Variants in TECPR2 observed in about 807,000 individuals in gnomAD.
The protein encoded by TECPR2 is tectonin beta-propeller repeat-containing protein 2.
In TECPR2, 65 loss-of-function variants were observed where a neutral mutation model predicts 138.1. The ratio of observed to expected loss-of-function variants is 0.47; its 90% CI spans 0.39 to 0.58. The LOEUF (loss-of-function observed/expected upper bound fraction) is 0.58. Among genes scored for constraint, TECPR2 ranks in the 20% least tolerant of loss-of-function variants. TECPR2 has a pLI of 0.00. For missense variants in TECPR2, 1,553 were observed against 1,824.5 expected (o/e 0.85, Z 2.71); for synonymous variants, 746 against 749.8 (o/e 0.99, Z 0.08).
intron 5 of TECPR2, 82 bp from the exon 6 acceptor site, chr14:102,424,897 T>TA (rs1889273849): frequency 1.5e-6 from 2 of 1,358,550 alleles, no homozygotes; most frequent in South Asian, 2.8e-5. Flanking sequence ...TTGTTGTACT[T>TA]AATATTAAGG....
chr14:102,470,466 C>A (rs555242190), intron 17 of TECPR2, among the ~76,000 whole-genome samples: 17 of 151,920 alleles, frequency 1.1e-4, no homozygotes, highest in African/African-American at 3.9e-4. Context: ...TACCACCACA[C>A]GCAGCTAATT....
At chr14:102,372,389 C>G (rs1365196224) in intron 1 of TECPR2, among the ~76,000 whole-genome samples, 1 of 152,144 alleles carries the variant, frequency 6.6e-6, no homozygotes, top group Non-Finnish European at 1.5e-5. Context: ...CCTCAGCCTC[C>G]CAAGTGGCTG....
At chr14:102,383,775 T>A (rs1006022572) in intron 2 of TECPR2, among the ~76,000 whole-genome samples, 2 of 152,096 alleles carry the variant, frequency 1.3e-5, no homozygotes, top group African/African-American at 4.8e-5. Context: ...AAAAAACAAA[T>A]ACTAAAGTTG....
At chr14:102,399,586 T>C (rs1286208000) in intron 2 of TECPR2, among the ~76,000 whole-genome samples, 1 of 152,122 alleles carries the variant, frequency 6.6e-6, no homozygotes, top group Non-Finnish European at 1.5e-5. Context: ...ATCCCATCAC[T>C]TTGGGAGGCC....
In TECPR2 at chr14:102,434,850, G is replaced by T; in HGVS notation, c.2033G>T (p.Ser678Ile). 1 of 1,613,558 alleles carries T rather than the reference G, an allele frequency of 6.2e-7. No individual in the cohort carries two copies. The highest frequency in any genetic ancestry group is 8.5e-7 in the Non-Finnish European group (1 of 1,180,022). The change falls in exon 9 of 20, where the codon AGC becomes ATC. Residue 678 changes from serine (S) to isoleucine (I), a missense_variant. Coordinates refer to ENST00000359520, the MANE Select transcript of TECPR2 (RefSeq NM_014844.5). ...GATGAAGGCAGCCCCGTGGAGCCCA[G>T]CCAAGAGCAGGACATCCTAACCAGC... The part of the protein sequence containing the change: ...RADEGSPVEP[S>I]QEQDILTSME...
intron 5 of TECPR2, among the ~76,000 whole-genome samples, chr14:102,418,339 G>C (rs1889084174): frequency 6.6e-6 from 1 of 152,240 alleles, no homozygotes. Flanking sequence ...TCAGGGAGCT[G>C]TGTGCAGAGT....
chr14:102,387,018 C>G (rs1385260615), intron 2 of TECPR2, among the ~76,000 whole-genome samples: 1 of 152,054 alleles, frequency 6.6e-6, no homozygotes, highest in African/African-American at 2.4e-5. Context: ...AATACAGATG[C>G]GTGGTCTCTT....
intron 2 of TECPR2, among the ~76,000 whole-genome samples, chr14:102,386,555 A>G (rs1327525327): frequency 1.3e-5 from 2 of 152,196 alleles, no homozygotes; most frequent in Non-Finnish European, 2.9e-5. Context: ...ACAAAGCTGT[A>G]TACCTATATG....
At chr14:102,494,863 C>T (rs995255724) in intron 17 of TECPR2, among the ~76,000 whole-genome samples, 5 of 151,354 alleles carry the variant, frequency 3.3e-5, no homozygotes, top group Non-Finnish European at 5.9e-5. Context: ...TCATTCACCT[C>T]ACTGGCAGGC....
At chr14:102,413,354 CAT>C in intron 4 of TECPR2, among the ~76,000 whole-genome samples, 1 of 148,788 alleles carries the variant, frequency 6.7e-6, no homozygotes, top group Non-Finnish European at 1.5e-5. Context: ...ATGAAATATA[CAT>C]ATATTTCATA....
At chr14:102,471,188 G>A (rs1436346708) in intron 17 of TECPR2, among the ~76,000 whole-genome samples, 1 of 151,640 alleles carries the variant, frequency 6.6e-6, no homozygotes, top group Non-Finnish European at 1.5e-5. Flanking sequence ...CTGACCTCAA[G>A]TGATCTTCCC....
intron 1 of TECPR2, among the ~76,000 whole-genome samples, chr14:102,375,065 G>A (rs1259428492): frequency 1.3e-5 from 2 of 152,178 alleles, no homozygotes; most frequent in South Asian, 2.1e-4. Context: ...GCTCACACCT[G>A]TAATCCAAGC....
intron 16 of TECPR2, among the ~76,000 whole-genome samples, chr14:102,453,710 C>T (rs1890209077): frequency 6.6e-6 from 1 of 151,414 alleles, no homozygotes; most frequent in Admixed American, 6.6e-5. Context: ...TAGGAACTTC[C>T]TGGCTGCAAG....
chr14:102,372,302 G>A (rs1428020114), intron 1 of TECPR2, among the ~76,000 whole-genome samples: 1 of 150,364 alleles, frequency 6.7e-6, no homozygotes, highest in Non-Finnish European at 1.5e-5. Context: ...TTTCACTCTT[G>A]TTGCCCAGGC....
intron 17 of TECPR2, among the ~76,000 whole-genome samples, chr14:102,468,977 T>C (rs1040051554): frequency 1.3e-5 from 2 of 152,240 alleles, no homozygotes; most frequent in South Asian, 4.1e-4. Context: ...TATCTATCCT[T>C]AAACTACACT....
intron 13 of TECPR2, 23 bp downstream of exon 13, chr14:102,445,970 C>T (rs756919544): frequency 5.0e-6 from 8 of 1,597,810 alleles, no homozygotes; most frequent in Admixed American, 3.4e-5. Flanking sequence ...CTCTGCGCCA[C>T]GTGCCGAGGT....
In TECPR2 at chr14:102,376,925, G is replaced by T; in HGVS notation, c.204G>T (p.Arg68Ser). ...YLYCRHLNQM[R>S]KYNFEGKTES... ...ACTGCCGGCACCTCAACCAGATGAGGAAGTACAACTTTGAGGTGAGCCTTG... is the reference window on the plus strand; with the variant it reads ...ACTGCCGGCACCTCAACCAGATGAGTAAGTACAACTTTGAGGTGAGCCTTG... Residue 68 changes from arginine to serine, a missense_variant, in exon 2 of 20, where the codon AGG (arginine) becomes AGT (serine). Arg to Ser is a moderately radical substitution (Grantham distance 110, BLOSUM62 -1). Coordinates refer to ENST00000359520, the MANE Select transcript of TECPR2 (RefSeq NM_014844.5). The T allele has an allele frequency of 6.2e-7, 1 of 1,613,776 alleles. No homozygotes were observed. Among genetic ancestry groups the T allele is most frequent in the Non-Finnish European group, 8.5e-7 (1 of 1,179,938 alleles).
At chr14:102,496,664 TC>T (rs1158671372) in intron 17 of TECPR2, among the ~76,000 whole-genome samples, 9 of 152,140 alleles carry the variant, frequency 5.9e-5, no homozygotes, top group Non-Finnish European at 1.2e-4. Flanking sequence ...CACAGCCAGG[TC>T]CGCCGCATCT....
At chr14:102,387,134 A>G (rs1253282711) in intron 2 of TECPR2, among the ~76,000 whole-genome samples, 1 of 152,244 alleles carries the variant, frequency 6.6e-6, no homozygotes, top group Non-Finnish European at 1.5e-5. Context: ...AAATCCATGT[A>G]TGGCATGATT....
Sources: gnomAD v4.1 joint callset for allele counts (sites outside exome capture counted in the v4.1 genomes callset) on GRCh38, gnomAD v4.1.1 for gene constraint, MANE v1.5 for transcripts, NCBI Gene and HGNC (gene_info 2026-07-23, HGNC 2026-07-21) for gene names.